Variants in RNLS observed in about 807,000 individuals in gnomAD.
The protein encoded by RNLS is renalase.
RNLS carries 39 observed loss-of-function variants against 39.8 expected under a neutral mutation model. That is an observed-to-expected ratio of 0.98 (90% CI 0.76 to 1.28). RNLS has a LOEUF of 1.28. Ranked by LOEUF, RNLS falls within the 50% of genes most tolerant of loss-of-function variation. The pLI, the probability that RNLS is intolerant of heterozygous loss-of-function variation, is 0.00. For synonymous variants in RNLS, 147 were observed against 150.7 expected, an observed-to-expected ratio of 0.98 and a Z score of 0.18; for missense variants, 410 against 413.3, an observed-to-expected ratio of 0.99 and a Z score of 0.07.
the RNLS span, among the ~76,000 whole-genome samples, chr10:88,249,351 C>T: frequency 6.6e-6 from 1 of 152,234 alleles, no homozygotes; most frequent in Non-Finnish European, 1.5e-5. Flanking sequence ...TATGGGATGC[C>T]TAATCTATGG....
intron 6 of RNLS, among the ~76,000 whole-genome samples, chr10:88,312,285 G>A (rs1845438687): frequency 6.6e-6 from 1 of 152,192 alleles, no homozygotes; most frequent in Non-Finnish European, 1.5e-5. Context: ...GCTGTTGCTG[G>A]CTTTGAAGAT....
intron 4 of RNLS, among the ~76,000 whole-genome samples, chr10:88,567,763 GA>G (rs1400986671): frequency 6.6e-6 from 1 of 151,912 alleles, no homozygotes; most frequent in Non-Finnish European, 1.5e-5. Flanking sequence ...GATACTCAAG[GA>G]AAAAAATGCT....
chr10:88,180,197 A>G, the RNLS span, among the ~76,000 whole-genome samples: 1 of 152,306 alleles, frequency 6.6e-6, no homozygotes, highest in South Asian at 2.1e-4. Flanking sequence ...TTAAAACCAA[A>G]AGGAGGAGAA....
chr10:88,250,273 T>G, the RNLS span, among the ~76,000 whole-genome samples: 1 of 152,202 alleles, frequency 6.6e-6, no homozygotes, highest in Non-Finnish European at 1.5e-5. Flanking sequence ...TAATATACAT[T>G]GAGCAAATGA....
intron 4 of RNLS, among the ~76,000 whole-genome samples, chr10:88,491,319 G>T (rs2134065584): frequency 6.6e-6 from 1 of 152,300 alleles, no homozygotes; most frequent in South Asian, 2.1e-4. Flanking sequence ...CGGGATAAGA[G>T]TAGCCTACCT....
chr10:88,219,434 AG>A, the RNLS span, among the ~76,000 whole-genome samples: 1 of 152,240 alleles, frequency 6.6e-6, no homozygotes, highest in African/African-American at 2.4e-5. Context: ...ATTTCCTATT[AG>A]CACTCATGTG....
chr10:88,242,756 G>A, the RNLS span, among the ~76,000 whole-genome samples: 1 of 152,112 alleles, frequency 6.6e-6, no homozygotes, highest in Admixed American at 6.5e-5. Flanking sequence ...TTTGAGACCA[G>A]CCTCAACATG....
Position 88,575,124 on chromosome 10 carries a change from GTATATATATATATATATA to G in RNLS, c.368-2081_368-2064del, listed in dbSNP as rs1174268534. Among the ~76,000 whole-genome samples, 23 of 98,908 alleles carry G rather than the reference GTATATATATATATATATA, an allele frequency of 2.3e-4. 1 individual carries two copies. The highest frequency in any genetic ancestry group is 1.9e-3 in the Admixed American group (16 of 8,514). 64.9% of individuals were successfully genotyped at this position (98,908 alleles called of 152,430 possible). A position where few individuals can be genotyped will look rare whatever the true frequency, so the allele number is the denominator to read the frequency against. ...CAATGGCCACAAGGTGTTCTGCAAAGTATATATATATATATATATATATATATATATATATACACACAC... is the reference window on the plus strand; with the variant it reads ...CAATGGCCACAAGGTGTTCTGCAAAGTATATATATATATATATACACACAC... On this transcript the variant is annotated intron_variant, in intron 3 of 6. Transcript: ENST00000331772.
At chr10:88,174,984 T>TGG in the RNLS span, among the ~76,000 whole-genome samples, 1 of 152,316 alleles carries the variant, frequency 6.6e-6, no homozygotes, top group East Asian at 1.9e-4. Flanking sequence ...AGTTCAATTT[T>TGG]GTTAGCTTAT....
chr10:88,261,169 T>G, the RNLS span, among the ~76,000 whole-genome samples: 1 of 152,362 alleles, frequency 6.6e-6, no homozygotes, highest in Non-Finnish European at 1.5e-5. Flanking sequence ...CTTTCTGTAT[T>G]CCATAGAGAT....
At chr10:88,533,800 TAC>T (rs1847579867) in intron 4 of RNLS, among the ~76,000 whole-genome samples, 1 of 152,078 alleles carries the variant, frequency 6.6e-6, no homozygotes, top group Non-Finnish European at 1.5e-5. Flanking sequence ...AAAGTAACCA[TAC>T]ACAAGTAGAA....
intron 4 of RNLS, among the ~76,000 whole-genome samples, chr10:88,543,326 G>A (rs774603789): frequency 5.9e-5 from 9 of 152,126 alleles, no homozygotes; most frequent in Non-Finnish European, 2.9e-5. Context: ...GAAGGAGAAA[G>A]TTGAGGCAGT....
chr10:88,333,299 A>G (rs567575015), intron 5 of RNLS, among the ~76,000 whole-genome samples: 2 of 152,316 alleles, frequency 1.3e-5, no homozygotes, highest in Non-Finnish European at 2.9e-5. Flanking sequence ...GAATTACAAA[A>G]CTTTTTAAAA....
In RNLS at chr10:88,399,180, A is replaced by G. The variant is rs549535338; in HGVS notation, c.527-36455T>C. Reference sequence around the variant, plus strand: ...GTCATTGGAACCCTCATACATTGCCACTGGGAATATAAATGGTACAACTCC... The same window carrying G: ...GTCATTGGAACCCTCATACATTGCCGCTGGGAATATAAATGGTACAACTCC... On this transcript the variant is annotated intron_variant, in intron 4 of 6. Coordinates refer to ENST00000331772, the MANE Select transcript of RNLS (RefSeq NM_001031709.3). Among the ~76,000 whole-genome samples, 5 of 152,118 alleles carry G rather than the reference A, an allele frequency of 3.3e-5. No homozygotes were observed. The South Asian group carries it at 8.3e-4, about 25-fold the overall frequency.
At chr10:88,199,161 T>C in the RNLS span, among the ~76,000 whole-genome samples, 1 of 152,166 alleles carries the variant, frequency 6.6e-6, no homozygotes. Flanking sequence ...TAGGGGTTCA[T>C]GCCCTTATGT....
intron 4 of RNLS, among the ~76,000 whole-genome samples, chr10:88,417,403 G>T (rs1033045153): frequency 6.6e-6 from 1 of 152,110 alleles, no homozygotes; most frequent in African/African-American, 2.4e-5. Flanking sequence ...AAAAGCCTTT[G>T]ATTAATAAAG....
chr10:88,326,357 T>A (rs1360921736), intron 5 of RNLS, among the ~76,000 whole-genome samples: 1 of 152,174 alleles, frequency 6.6e-6, no homozygotes, highest in African/African-American at 2.4e-5. Flanking sequence ...TGATCTCAGA[T>A]GGAGATGAGG....
the RNLS span, among the ~76,000 whole-genome samples, chr10:88,250,026 C>T: frequency 9.2e-5 from 14 of 152,296 alleles, no homozygotes; most frequent in East Asian, 2.7e-3. Context: ...CCAGTTGAAC[C>T]CTAAACATTC....
At chr10:88,541,766 G>A (rs1010814425) in intron 4 of RNLS, among the ~76,000 whole-genome samples, 3 of 152,162 alleles carry the variant, frequency 2.0e-5, no homozygotes, top group Non-Finnish European at 4.4e-5. Context: ...TTGAGGCAAA[G>A]AGAAATATCC....
Sources: gnomAD v4.1 joint callset for allele counts (sites outside exome capture counted in the v4.1 genomes callset) on GRCh38, gnomAD v4.1.1 for gene constraint, MANE v1.5 for transcripts, NCBI Gene and HGNC (gene_info 2026-07-23, HGNC 2026-07-21) for gene names.